TYW1B: variants seen among roughly 807,000 people sequenced by gnomAD.
TYW1B encodes the protein tRNA-yW synthesizing protein 1 homolog B, also known as S-adenosyl-L-methionine-dependent tRNA 4-demethylwyosine synthase TYW1B.
In TYW1B, 73 loss-of-function variants were observed where a neutral mutation model predicts 86.9. The observed-to-expected ratio is 0.84, with a 90% CI of 0.70 to 1.02. The LOEUF is 1.02. Among genes scored for constraint, TYW1B ranks in the 50% least tolerant of loss-of-function variants. The pLI, the probability that TYW1B is intolerant of heterozygous loss-of-function variation, is 0.00. For missense variants in TYW1B, 637 were observed against 827.4 expected (o/e 0.77, Z 2.82); for synonymous variants, 248 against 292.8 (o/e 0.85, Z 1.56).
intron 11 of TYW1B, among the ~76,000 whole-genome samples, chr7:72,646,936 T>C (rs1554442134): frequency 6.6e-6 from 1 of 152,224 alleles, no homozygotes. Context: ...TAGAGTTCTG[T>C]TGCTTCTAAT....
chr7:72,770,705 A>C (rs1232110870), intron 7 of TYW1B, among the ~76,000 whole-genome samples: 1 of 152,144 alleles, frequency 6.6e-6, no homozygotes, highest in Non-Finnish European at 1.5e-5. Flanking sequence ...ACATTCACAA[A>C]GTCTTGTGAA....
intron 9 of TYW1B, among the ~76,000 whole-genome samples, chr7:72,727,263 T>A (rs1787017024): frequency 1.3e-5 from 2 of 152,200 alleles, no homozygotes; most frequent in African/African-American, 4.8e-5. Flanking sequence ...CCATATGTGC[T>A]ATTAATACCT....
At chr7:72,698,718 A>T (rs1814385444) in intron 10 of TYW1B, among the ~76,000 whole-genome samples, 2 of 152,182 alleles carry the variant, frequency 1.3e-5, no homozygotes, top group Non-Finnish European at 2.9e-5. Context: ...TCCAGAGATG[A>T]ACCCAGAGCC....
chr7:72,706,431 C>CACA (rs1814616889), intron 10 of TYW1B, among the ~76,000 whole-genome samples: 3 of 64,492 alleles, frequency 4.7e-5, no homozygotes, highest in African/African-American at 6.6e-5. Context: ...CCTCCATCTC[C>CACA]AAAAAAAAAA....
chr7:72,598,076 G>A (rs1486943356), intron 13 of TYW1B, among the ~76,000 whole-genome samples: 1 of 152,220 alleles, frequency 6.6e-6, no homozygotes, highest in Non-Finnish European at 1.5e-5. Flanking sequence ...GGGTGTTTCT[G>A]TATGGGTGTT....
intron 13 of TYW1B, among the ~76,000 whole-genome samples, chr7:72,595,246 A>T (rs528026826): frequency 6.6e-6 from 1 of 152,364 alleles, no homozygotes; most frequent in African/African-American, 2.4e-5. Flanking sequence ...AATTATAAAG[A>T]TTCAACCAAA....
At chr7:72,793,741 C>T (rs1356390497) in intron 6 of TYW1B, among the ~76,000 whole-genome samples, 1 of 144,132 alleles carries the variant, frequency 6.9e-6, no homozygotes, top group Non-Finnish European at 1.5e-5. Context: ...GGCGACAGAA[C>T]GAGACTCCGT....
chr7:72,667,480 C>T (rs1813493536), intron 11 of TYW1B, among the ~76,000 whole-genome samples: 1 of 152,106 alleles, frequency 6.6e-6, no homozygotes, highest in Admixed American at 6.6e-5. Context: ...TTTGGGAGGC[C>T]AACCCGGGCA....
intron 10 of TYW1B, among the ~76,000 whole-genome samples, chr7:72,705,759 A>G (rs1814594022): frequency 6.6e-6 from 1 of 152,190 alleles, no homozygotes; most frequent in Non-Finnish European, 1.5e-5. Flanking sequence ...CAAGATAAGA[A>G]CAAACCAGTT....
intron 10 of TYW1B, among the ~76,000 whole-genome samples, chr7:72,712,437 TC>T (rs1786688395): frequency 6.6e-6 from 1 of 152,112 alleles, no homozygotes; most frequent in South Asian, 2.1e-4. Flanking sequence ...CAAGCGATTC[TC>T]CTGCCTCAGC....
chr7:72,694,260 C>A (rs1234732786), intron 11 of TYW1B, among the ~76,000 whole-genome samples: 1 of 152,194 alleles, frequency 6.6e-6, no homozygotes, highest in Non-Finnish European at 1.5e-5. Context: ...AACCACCATG[C>A]TTGGCCTATG....
At chr7:72,597,240 G>C (rs1209370828) in intron 13 of TYW1B, among the ~76,000 whole-genome samples, 1 of 151,286 alleles carries the variant, frequency 6.6e-6, no homozygotes, top group Non-Finnish European at 1.5e-5. Context: ...AAATCATGAT[G>C]GAAATTGTAA....
intron 13 of TYW1B, among the ~76,000 whole-genome samples, chr7:72,615,640 T>C (rs1419194331): frequency 2.6e-5 from 4 of 152,134 alleles, no homozygotes; most frequent in African/African-American, 9.7e-5. Flanking sequence ...CTTTAGTCAT[T>C]GGAATTATCA....
intron 4 of TYW1B, among the ~76,000 whole-genome samples, chr7:72,809,961 C>A (rs1249312312): frequency 6.7e-6 from 1 of 149,048 alleles, no homozygotes; most frequent in African/African-American, 2.5e-5. Flanking sequence ...GATCACGCCA[C>A]TGCACTCCAG....
chr7:72,739,330 G>A (rs1787258694), intron 8 of TYW1B, among the ~76,000 whole-genome samples: 2 of 151,972 alleles, frequency 1.3e-5, no homozygotes, highest in Admixed American at 6.6e-5. Context: ...GAGGGGTCAG[G>A]CGCAGTGGCT....
intron 7 of TYW1B, among the ~76,000 whole-genome samples, chr7:72,752,998 C>T (rs1246021202): frequency 6.6e-6 from 1 of 151,832 alleles, no homozygotes; most frequent in Non-Finnish European, 1.5e-5. Context: ...CCATTTGAAG[C>T]TTCAAGTAAA....
intron 11 of TYW1B, among the ~76,000 whole-genome samples, chr7:72,672,192 C>T (rs1813623422): frequency 6.6e-6 from 1 of 152,056 alleles, no homozygotes; most frequent in Non-Finnish European, 1.5e-5. Flanking sequence ...ACGTGACTTG[C>T]TCCTCCTTGC....
chr7:72,661,126 C>T lies in TYW1B; in HGVS notation c.1507-32129G>A, dbSNP rs1361938226. Among the ~76,000 whole-genome samples, 1,241 of 137,208 alleles carry T rather than the reference C, an allele frequency of 9.0e-3. 14 individuals are homozygous for T. Among genetic ancestry groups the T allele is most frequent in the African/African-American group, 0.035 (1,172 of 33,712 alleles). The allele number at this position is 137,208 out of a possible 152,430, so 90.0% of individuals were successfully genotyped here. ...CTTCAGTCTGGACATCAGAGTAAGA[C>T]TCTGTCTCCAAAAAAAAAAAAGAAG... On this transcript the variant is annotated intron_variant, in intron 11 of 13. Coordinates refer to ENST00000620995, the MANE Select transcript of TYW1B (RefSeq NM_001145440.3).
intron 11 of TYW1B, among the ~76,000 whole-genome samples, chr7:72,672,185 T>A (rs1346883366): frequency 6.6e-6 from 1 of 152,082 alleles, no homozygotes; most frequent in African/African-American, 2.4e-5. Context: ...TAATAAGACG[T>A]GACTTGCTCC....
Sources: allele counts gnomAD v4.1 joint callset (sites outside exome capture counted in the v4.1 genomes callset), GRCh38; gene constraint gnomAD v4.1.1; transcripts MANE v1.5; gene names NCBI Gene and HGNC (gene_info 2026-07-23, HGNC 2026-07-21).